Variants in PLGRKT observed in about 807,000 individuals in gnomAD.
PLGRKT encodes plasminogen receptor with a C-terminal lysine, also known as plasminogen receptor (KT).
Under a neutral mutation model 18.5 loss-of-function variants are expected in PLGRKT, and 22 were observed. That is an observed-to-expected ratio of 1.19 (90% CI 0.85 to 1.70). The LOEUF (loss-of-function observed/expected upper bound fraction) is 1.70. Ranked by LOEUF, PLGRKT falls within the 40% of genes most tolerant of loss-of-function variation. PLGRKT has a pLI of 0.00. For synonymous variants in PLGRKT, 72 were observed against 52.8 expected (o/e 1.36, Z -1.58); for missense variants, 235 against 174.4 (o/e 1.35, Z -1.96).
At chr9:5,382,931 A>T (rs554018654) in intron 3 of PLGRKT, among the ~76,000 whole-genome samples, 63 of 152,348 alleles carry the variant, frequency 4.1e-4, no homozygotes, top group African/African-American at 1.5e-3. Flanking sequence ...ATAGTGGGTT[A>T]AATGGTGGCC....
At chr9:5,403,423 C>G (rs1818195066) in intron 3 of PLGRKT, among the ~76,000 whole-genome samples, 1 of 152,026 alleles carries the variant, frequency 6.6e-6, no homozygotes, top group Admixed American at 6.5e-5. Flanking sequence ...CGGGGTTTCA[C>G]CAAGTTAGCC....
chr9:5,380,340 C>A (rs1817717199), intron 3 of PLGRKT, among the ~76,000 whole-genome samples: 1 of 149,200 alleles, frequency 6.7e-6, no homozygotes, highest in Non-Finnish European at 1.5e-5. Context: ...GCACTCCAGC[C>A]TCGGCCAAAC....
chr9:5,372,474 A>C (rs1466698968), intron 3 of PLGRKT, among the ~76,000 whole-genome samples: 1 of 152,170 alleles, frequency 6.6e-6, no homozygotes, highest in East Asian at 1.9e-4. Flanking sequence ...GGTATCTGGC[A>C]ATTACAGAAT....
chr9:5,400,957 T>G (rs189607058), intron 3 of PLGRKT, among the ~76,000 whole-genome samples: 4 of 151,924 alleles, frequency 2.6e-5, no homozygotes, highest in Non-Finnish European at 5.9e-5. Context: ...AGTGGGGTGT[T>G]GGGAAACTTT....
intron 3 of PLGRKT, among the ~76,000 whole-genome samples, chr9:5,429,144 C>T (rs937755446): frequency 1.3e-5 from 2 of 152,216 alleles, no homozygotes; most frequent in African/African-American, 4.8e-5. Context: ...ACTCTCCCTA[C>T]CCACTACATA....
chr9:5,365,410 G>C (rs753892545), intron 3 of PLGRKT, among the ~76,000 whole-genome samples: 2 of 152,172 alleles, frequency 1.3e-5, no homozygotes, highest in East Asian at 1.9e-4. Flanking sequence ...AAATGGAGAA[G>C]AGACAAATAT....
At chr9:5,361,626 G>A (rs1195214474) in intron 4 of PLGRKT, 132 bp downstream of exon 4, 10 of 779,850 alleles carry the variant, frequency 1.3e-5, no homozygotes, top group Admixed American at 5.9e-5. Context: ...CAAGGACTAA[G>A]GTTAATAGGT....
intron 5 of PLGRKT, among the ~76,000 whole-genome samples, chr9:5,359,069 T>G (rs9785199): frequency 1.4e-5 from 2 of 141,808 alleles, no homozygotes; most frequent in African/African-American, 3.0e-5. Flanking sequence ...ATTTTATTTT[T>G]TTTTTTTTTT....
intron 3 of PLGRKT, among the ~76,000 whole-genome samples, chr9:5,414,301 G>T (rs986161735): frequency 6.6e-6 from 1 of 152,082 alleles, no homozygotes; most frequent in Non-Finnish European, 1.5e-5. Context: ...CAAGTAGCTG[G>T]TATTACAGGC....
chr9:5,385,590 A>G (rs1817827307), intron 3 of PLGRKT, among the ~76,000 whole-genome samples: 1 of 151,804 alleles, frequency 6.6e-6, no homozygotes, highest in Admixed American at 6.6e-5. Context: ...AGTGGCTCAC[A>G]TACTTGCCAC....
chr9:5,380,795 A>G (rs1817727541), intron 3 of PLGRKT, among the ~76,000 whole-genome samples: 1 of 152,310 alleles, frequency 6.6e-6, no homozygotes, highest in East Asian at 1.9e-4. Flanking sequence ...TTTTGGATTG[A>G]ATGACTCATC....
chr9:5,397,574 G>A (rs911641612), intron 3 of PLGRKT, among the ~76,000 whole-genome samples: 1 of 151,614 alleles, frequency 6.6e-6, no homozygotes, highest in Non-Finnish European at 1.5e-5. Flanking sequence ...AGAAAGAAGG[G>A]ATGGAGGGTG....
intron 3 of PLGRKT, among the ~76,000 whole-genome samples, chr9:5,378,583 G>C (rs920470745): frequency 6.6e-6 from 1 of 152,154 alleles, no homozygotes; most frequent in Non-Finnish European, 1.5e-5. Flanking sequence ...TGACTGCAAG[G>C]GGTTGGGATG....
At chr9:5,415,986 A>G (rs1333188069) in intron 3 of PLGRKT, among the ~76,000 whole-genome samples, 1 of 151,892 alleles carries the variant, frequency 6.6e-6, no homozygotes, top group Non-Finnish European at 1.5e-5. Flanking sequence ...TAATAGTATT[A>G]TACCAATATT....
chr9:5,431,205 C>A (rs963455460), intron 3 of PLGRKT, among the ~76,000 whole-genome samples: 6 of 152,158 alleles, frequency 3.9e-5, no homozygotes, highest in African/African-American at 1.4e-4. Flanking sequence ...ATCTTCAAAT[C>A]TCTCTTATAC....
At position 5,374,895 on chromosome 9, in the gene PLGRKT, T is replaced by C. The variant is rs76493171; in HGVS notation, c.82-13007A>G. Among the ~76,000 whole-genome samples the C allele has an allele frequency of 5.0e-3, 765 of 152,338 alleles. 8 individuals carry two copies. The highest frequency in any genetic ancestry group is 0.018 in the African/African-American group (734 of 41,568). On this transcript the variant is annotated intron_variant, in intron 3 of 5. Transcript: ENST00000223864. ...TCCTCAAACTGAAAAAAAGTCATTA[T>C]TTTTACATGCTATTATGTTCTGATT...
rs1038400911 is a variant in PLGRKT at position 5,377,126 on chromosome 9, G to C, written c.82-15238C>G. ...GTAATGAAATACAACAAAATATCCT[G>C]CAACCGTTACAATGACTTTCCTACA... On this transcript the variant is annotated intron_variant, in intron 3 of 5. Coordinates refer to ENST00000223864, the MANE Select transcript of PLGRKT (RefSeq NM_018465.4). Among the ~76,000 whole-genome samples the C allele has an allele frequency of 2.6e-5, 4 of 152,050 alleles. No homozygotes were observed. The South Asian group carries it at 6.2e-4, about 24-fold the overall frequency.
At chr9:5,397,476 C>G (rs1818073139) in intron 3 of PLGRKT, among the ~76,000 whole-genome samples, 2 of 151,606 alleles carry the variant, frequency 1.3e-5, no homozygotes, top group South Asian at 2.1e-4. Context: ...ATTCTGTATC[C>G]CAATCACCTT....
rs534141835 is a variant in PLGRKT at position 5,418,731 on chromosome 9, G to A, written c.81+13166C>T. The A allele has an allele frequency of 6.4e-5, 43 of 672,316 alleles. No homozygotes were observed. The highest frequency in any genetic ancestry group is 2.7e-4 in the African/African-American group (15 of 56,230). 41.6% of individuals were successfully genotyped at this position (672,316 alleles called of 1,614,324 possible). A position where few individuals can be genotyped will look rare whatever the true frequency, so the allele number is the denominator to read the frequency against. On this transcript the variant is annotated intron_variant, in intron 3 of 5. Transcript: ENST00000223864. The surrounding 1 kb of genome is among the most constrained non-coding windows in gnomAD (Gnocchi z 4.2). ...TGAAGACCGGCATGTGCTCCGAAGC[G>A]TGTGGAATGGTGATGACAGCCAGGA...
Sources: allele counts gnomAD v4.1 joint callset (sites outside exome capture counted in the v4.1 genomes callset), GRCh38; gene constraint gnomAD v4.1.1; non-coding constraint Gnocchi (gnomAD v3.1); transcripts MANE v1.5; gene names NCBI Gene and HGNC (gene_info 2026-07-23, HGNC 2026-07-21).